The following UGGT2 variants were observed in gnomAD, a reference collection of about 807,000 sequenced individuals.
UGGT2 encodes the protein UDP-glucose glycoprotein glucosyltransferase 2.
Under a neutral mutation model 192.1 loss-of-function variants are expected in UGGT2, and 180 were observed. That is an observed-to-expected ratio of 0.94 (90% CI 0.83 to 1.06). The LOEUF is 1.06. Ranked by LOEUF, UGGT2 falls within the 50% of genes least tolerant of loss-of-function variation. The pLI is 0.00. For missense variants in UGGT2, 1,849 were observed against 1,795.7 expected, an observed-to-expected ratio of 1.03 and a Z score of -0.54; for synonymous variants, 580 against 591.0, an observed-to-expected ratio of 0.98 and a Z score of 0.27.
At chr13:95,866,908 A>T (rs1890715982) in intron 30 of UGGT2, among the ~76,000 whole-genome samples, 2 of 151,964 alleles carry the variant, frequency 1.3e-5, no homozygotes, top group Admixed American at 6.6e-5. Flanking sequence ...AAATTTTTTT[A>T]AATTTTTATC....
chr13:95,807,931 T>TTC (rs1394846291), intron 38 of UGGT2, among the ~76,000 whole-genome samples: 1 of 152,046 alleles, frequency 6.6e-6, no homozygotes, highest in Non-Finnish European at 1.5e-5. Flanking sequence ...TCTATCAGGG[T>TTC]TCTCTTCCAC....
At chr13:95,908,039 T>C (rs1457790093) in intron 20 of UGGT2, among the ~76,000 whole-genome samples, 1 of 152,078 alleles carries the variant, frequency 6.6e-6, no homozygotes, top group South Asian at 2.1e-4. Context: ...ATAAACAGTG[T>C]AGAGAAGACC....
At chr13:95,869,246 C>T (rs899558572) in intron 29 of UGGT2, among the ~76,000 whole-genome samples, 2 of 152,004 alleles carry the variant, frequency 1.3e-5, no homozygotes, top group Non-Finnish European at 2.9e-5. Flanking sequence ...CATAGTATTC[C>T]ATGGTGTATA....
intron 2 of UGGT2, among the ~76,000 whole-genome samples, chr13:96,026,346 T>C (rs534171536): frequency 6.6e-6 from 1 of 152,200 alleles, no homozygotes; most frequent in African/African-American, 2.4e-5. Context: ...TTGGAGAAAT[T>C]GCAGCATAAA....
At chr13:95,972,325 AAG>A (rs893005081) in intron 11 of UGGT2, among the ~76,000 whole-genome samples, 4 of 152,178 alleles carry the variant, frequency 2.6e-5, no homozygotes, top group Non-Finnish European at 5.9e-5. Context: ...ACTCTTCAAT[AAG>A]AGACAGTTTA....
intron 2 of UGGT2, among the ~76,000 whole-genome samples, chr13:96,027,335 G>A (rs892385881): frequency 1.3e-5 from 2 of 152,112 alleles, no homozygotes; most frequent in African/African-American, 4.8e-5. Flanking sequence ...GGATTCAGGA[G>A]TTTATAGAAA....
chr13:95,884,679 A>G lies in UGGT2; in HGVS notation c.3040T>C (p.Phe1014Leu). Residue 1014 changes from phenylalanine to leucine, a missense_variant and splice_region_variant, in exon 27 of 39, where the codon TTT (phenylalanine) becomes CTT (leucine). By Grantham distance (22) the Phe-to-Leu change is conservative (BLOSUM62 0). Transcript: ENST00000376747. ...TCTGGTTCCAGAACAAAACGGTAAA[A>G]GCTGTTAATAAAACATAAAAATACA... ...GRLSEAPLESFYRFVLEPELM... is the reference protein window; with the variant it reads ...GRLSEAPLESLYRFVLEPELM... The G allele has an allele frequency of 2.5e-6, 4 of 1,599,086 alleles. No homozygotes were observed. Among genetic ancestry groups the G allele is most frequent in the South Asian group, 1.1e-5 (1 of 87,642 alleles).
intron 16 of UGGT2, among the ~76,000 whole-genome samples, chr13:95,938,620 T>C (rs1185860327): frequency 1.3e-5 from 2 of 152,238 alleles, no homozygotes; most frequent in Non-Finnish European, 2.9e-5. Flanking sequence ...CTTAGGTTTA[T>C]GAATGCATGT....
intron 17 of UGGT2, among the ~76,000 whole-genome samples, chr13:95,928,455 G>A (rs1156423594): frequency 4.6e-5 from 7 of 151,708 alleles, no homozygotes; most frequent in Middle Eastern, 3.5e-3. Context: ...GCTGCTGGGC[G>A]GAGGGGCTCC....
At chr13:95,978,063 C>A (rs2050995058) in intron 10 of UGGT2, among the ~76,000 whole-genome samples, 1 of 151,954 alleles carries the variant, frequency 6.6e-6, no homozygotes, top group Non-Finnish European at 1.5e-5. Flanking sequence ...AGGACAAATA[C>A]CTAAAGTATG....
chr13:95,980,955 G>A (rs972606164), intron 10 of UGGT2, among the ~76,000 whole-genome samples: 2 of 152,160 alleles, frequency 1.3e-5, no homozygotes, highest in Admixed American at 1.3e-4. Flanking sequence ...CCAAGATCAT[G>A]CCACTGCACT....
chr13:96,023,076 T>C lies in UGGT2; in HGVS notation c.449A>G (p.Asn150Ser). ...TTTCTTCAGCAGCTTTTTAATCTCA[T>C]TAATTTTACAGGTGTGCTTCTTATG... Reference protein sequence around the residue: ...VIHKKHTCKINEIKKLLKKAA... With the variant: ...VIHKKHTCKISEIKKLLKKAA... The change falls in exon 4 of 39, where the codon AAT becomes AGT. Residue 150 changes from asparagine (N) to serine (S), a missense_variant. Physicochemically the swap from Asn to Ser is conservative, Grantham distance 46. Transcript: ENST00000376747. 1 of 1,593,940 alleles carries C rather than the reference T, an allele frequency of 6.3e-7. No individual in the cohort carries two copies. The highest frequency in any genetic ancestry group is 1.1e-5 in the South Asian group (1 of 87,120).
At chr13:96,020,466 G>A (rs1186205905) in intron 4 of UGGT2, among the ~76,000 whole-genome samples, 1 of 152,144 alleles carries the variant, frequency 6.6e-6, no homozygotes, top group African/African-American at 2.4e-5. Context: ...CTGAATGACA[G>A]TTTCCCTCTG....
At chr13:95,844,110 G>A (rs958371767) in intron 36 of UGGT2, among the ~76,000 whole-genome samples, 1 of 151,958 alleles carries the variant, frequency 6.6e-6, no homozygotes, top group Admixed American at 6.6e-5. Flanking sequence ...ACAGGTGCCC[G>A]CCACCATGCC....
At chr13:96,026,479 T>G (rs2052668034) in intron 2 of UGGT2, among the ~76,000 whole-genome samples, 1 of 152,044 alleles carries the variant, frequency 6.6e-6, no homozygotes, top group African/African-American at 2.4e-5. Context: ...AAAGGATCTT[T>G]TCTATCATAG....
In UGGT2 at chr13:95,854,418, C is replaced by CT; in HGVS notation, c.4065_4066insA (p.Gly1356ArgfsTer7). The CT allele has an allele frequency of 6.2e-7, 1 of 1,613,484 alleles. No homozygotes were observed. Among genetic ancestry groups the CT allele is most frequent in the Non-Finnish European group, 8.5e-7 (1 of 1,179,772 alleles). ...CGGCTATCACAAAATGGAGTATACC[C>CT]ATAAGGAGCTCCATCCAGATCGAAA... On this transcript the variant is annotated frameshift_variant, in exon 35 of 39. Coordinates refer to ENST00000376747, the MANE Select transcript of UGGT2 (RefSeq NM_020121.4). LOFTEE classifies it high-confidence loss of function.
chr13:95,997,194 C>T (rs1187376891), intron 6 of UGGT2, among the ~76,000 whole-genome samples: 2 of 152,060 alleles, frequency 1.3e-5, no homozygotes, highest in African/African-American at 4.8e-5. Flanking sequence ...TATGAGGTGT[C>T]TATGACAGGA....
At chr13:95,840,449 T>C (rs1029036248) in intron 36 of UGGT2, among the ~76,000 whole-genome samples, 7 of 152,180 alleles carry the variant, frequency 4.6e-5, no homozygotes, top group African/African-American at 1.7e-4. Flanking sequence ...ATAAAGTTCA[T>C]CATCACTGAT....
chr13:95,864,055 T>C (rs1890414566), intron 30 of UGGT2, among the ~76,000 whole-genome samples: 1 of 152,200 alleles, frequency 6.6e-6, no homozygotes, highest in Non-Finnish European at 1.5e-5. Context: ...GATGAATAGC[T>C]CACTTATCGT....
Sources: allele counts gnomAD v4.1 joint callset (sites outside exome capture counted in the v4.1 genomes callset), GRCh38; gene constraint gnomAD v4.1.1; transcripts MANE v1.5; gene names NCBI Gene and HGNC (gene_info 2026-07-23, HGNC 2026-07-21).